Variants in MFSD11 observed in about 807,000 individuals in gnomAD.
MFSD11 encodes major facilitator superfamily domain containing 11, also known as UNC93-like protein MFSD11.
Under a neutral mutation model 53.5 loss-of-function variants are expected in MFSD11, and 36 were observed. The ratio of observed to expected loss-of-function variants is 0.67; its 90% CI spans 0.52 to 0.89. The LOEUF is 0.89. Among genes scored for constraint, MFSD11 ranks in the 40% least tolerant of loss-of-function variants. The pLI is 0.00. For missense variants in MFSD11, 530 were observed against 543.9 expected (o/e 0.97, Z 0.25); for synonymous variants, 186 against 184.9 (o/e 1.01, Z -0.05).
chr17:76,736,701 G>C (rs2077512466), upstream of MFSD11: 4 of 1,312,798 alleles, frequency 3.0e-6, no homozygotes, highest in Admixed American at 4.0e-5. Flanking sequence ...CGCCCCGTCC[G>C]GGCCCGCACC....
At chr17:76,769,683 G>C in intron 9 of MFSD11, 63 bp from the exon 10 acceptor site, 2 of 1,327,448 alleles carry the variant, frequency 1.5e-6, no homozygotes, top group Non-Finnish European at 2.1e-6. Flanking sequence ...GATACTACTA[G>C]ATGGGAAGAT....
At chr17:76,799,955 C>CTTTTTTT in the MFSD11 span, among the ~76,000 whole-genome samples, 2 of 138,860 alleles carry the variant, frequency 1.4e-5, no homozygotes, top group Admixed American at 7.6e-5. Context: ...TTTCTTTTTC[C>CTTTTTTT]TTTTTTTTTT....
At chr17:76,763,332 T>G (rs1018309413) in intron 8 of MFSD11, among the ~76,000 whole-genome samples, 4 of 151,876 alleles carry the variant, frequency 2.6e-5, no homozygotes, top group Non-Finnish European at 5.9e-5. Flanking sequence ...TAGCACAATC[T>G]CGACTCACTG....
intron 10 of MFSD11, among the ~76,000 whole-genome samples, chr17:76,772,095 T>G (rs568208536): frequency 1.6e-4 from 25 of 152,266 alleles, no homozygotes; most frequent in Non-Finnish European, 3.4e-4. Flanking sequence ...GCAACCTGCT[T>G]TTTTGAAAAA....
At chr17:76,745,804 ATTATTTAC>A (rs1401071473) in intron 7 of MFSD11, among the ~76,000 whole-genome samples, 3 of 119,150 alleles carry the variant, frequency 2.5e-5, no homozygotes, top group Non-Finnish European at 3.4e-5. Flanking sequence ...CTCTCACTTT[ATTATTTAC>A]TTATTTATTT....
rs1485480935 is a variant in MFSD11 at position 76,776,126 on chromosome 17, G to A, written c.1050-280G>A. 6.6e-6 allele frequency among the ~76,000 whole-genome samples: 1 copy of A among 152,128 alleles called. No homozygotes were observed. The highest frequency in any genetic ancestry group is 2.4e-5 in the African/African-American group (1 of 41,502). ...CCCGAGTAGCTGGGATTACAGGCACGCGCCACTATGCCCAGCTAATTTTTA... is the reference window on the plus strand; with the variant it reads ...CCCGAGTAGCTGGGATTACAGGCACACGCCACTATGCCCAGCTAATTTTTA... On this transcript the variant is annotated intron_variant, in intron 11 of 12. Transcript: ENST00000685175. This position sits in a 1 kb window ranked among gnomAD's most constrained non-coding sequence, Gnocchi z 4.2.
At chr17:76,799,954 C>CTTTTTTTT in the MFSD11 span, among the ~76,000 whole-genome samples, 33 of 87,294 alleles carry the variant, frequency 3.8e-4, 1 homozygote, top group African/African-American at 1.3e-3. Context: ...TTTTCTTTTT[C>CTTTTTTTT]CTTTTTTTTT....
At chr17:76,770,373 C>A (rs1175178728) in intron 10 of MFSD11, among the ~76,000 whole-genome samples, 1 of 152,080 alleles carries the variant, frequency 6.6e-6, no homozygotes, top group African/African-American at 2.4e-5. Context: ...AATTATAAAA[C>A]ATTTGCAAAA....
the MFSD11 span, among the ~76,000 whole-genome samples, chr17:76,796,446 C>G: frequency 6.6e-6 from 1 of 152,164 alleles, no homozygotes; most frequent in African/African-American, 2.4e-5. Flanking sequence ...CTAATATCCT[C>G]GACATTGACT....
chr17:76,750,458 C>CG (rs1231448499), intron 7 of MFSD11, among the ~76,000 whole-genome samples: 1 of 149,568 alleles, frequency 6.7e-6, no homozygotes, highest in Non-Finnish European at 1.5e-5. Context: ...CCCGGGTGCA[C>CG]GCCATTCTCC....
chr17:76,792,138 A>G, the MFSD11 span, among the ~76,000 whole-genome samples: 1 of 138,616 alleles, frequency 7.2e-6, no homozygotes, highest in Non-Finnish European at 1.5e-5. Context: ...TTTTTTTTTG[A>G]GACAGAGTCT....
Position 76,746,913 on chromosome 17 carries a change from A to AT in MFSD11, c.641+2460dup, listed in dbSNP as rs879356824. 5.8e-3 allele frequency among the ~76,000 whole-genome samples: 821 copies of AT among 141,654 alleles called. 4 individuals are homozygous for AT. The highest frequency in any genetic ancestry group is 0.014 in the African/African-American group (537 of 37,734). The allele number at this position is 141,654 out of a possible 152,430, so 92.9% of individuals were successfully genotyped here. ...GCCCCTGGATCAAGGAGTAATTTCC[A>AT]TTTTTTTTTTTTTGAGACAAAGTCT... On this transcript the variant is annotated intron_variant, in intron 7 of 12. Transcript: ENST00000685175.
chr17:76,755,786 G>A (rs62086792), intron 8 of MFSD11, among the ~76,000 whole-genome samples: 9,647 of 21,664 alleles, frequency 0.45, 3,565 homozygotes, highest in East Asian at 0.73. Context: ...GTGTGTGTGT[G>A]TATACATATA....
intron 6 of MFSD11, 88 bp downstream of exon 6, chr17:76,743,544 A>G (rs928161425): frequency 3.7e-6 from 3 of 800,352 alleles, no homozygotes; most frequent in African/African-American, 3.6e-5. Flanking sequence ...TTATTCAAGC[A>G]TCGTTCTCAT....
the MFSD11 span, among the ~76,000 whole-genome samples, chr17:76,789,538 T>G: frequency 6.7e-6 from 1 of 150,188 alleles, no homozygotes; most frequent in African/African-American, 2.4e-5. Context: ...ATCAGGAAGC[T>G]GCTGATCACT....
At chr17:76,750,905 G>C (rs2079001572) in intron 7 of MFSD11, among the ~76,000 whole-genome samples, 1 of 150,926 alleles carries the variant, frequency 6.6e-6, no homozygotes, top group Non-Finnish European at 1.5e-5. Flanking sequence ...CCATGTTCAA[G>C]TGATTCTGCT....
chr17:76,768,840 C>T (rs1164800616), intron 9 of MFSD11, among the ~76,000 whole-genome samples: 16 of 151,768 alleles, frequency 1.1e-4, no homozygotes, highest in Admixed American at 9.2e-4. Context: ...CATAAATTAC[C>T]CGGGTGTGGT....
At chr17:76,778,061 C>T (rs889797913) in intron 12 of MFSD11, 127 bp from the exon 13 acceptor site, 2 of 822,826 alleles carry the variant, frequency 2.4e-6, no homozygotes, top group African/African-American at 3.4e-5. Context: ...TACCTTGATG[C>T]AGAAAGAATA....
intron 12 of MFSD11, among the ~76,000 whole-genome samples, chr17:76,777,690 G>A (rs969172333): frequency 2.0e-5 from 3 of 151,556 alleles, no homozygotes; most frequent in Non-Finnish European, 4.4e-5. Context: ...AAGATTTTTT[G>A]TGTAACAGAT....
Sources: gnomAD v4.1 joint callset for allele counts (sites outside exome capture counted in the v4.1 genomes callset) on GRCh38, gnomAD v4.1.1 for gene constraint, Gnocchi (gnomAD v3.1) non-coding constraint, MANE v1.5 for transcripts, NCBI Gene and HGNC (gene_info 2026-07-23, HGNC 2026-07-21) for gene names.